The following EVC2 variants were observed in gnomAD, a reference collection of about 807,000 sequenced individuals.
The protein encoded by EVC2 is EvC ciliary complex subunit 2, also known as limbin.
In EVC2, 148 loss-of-function variants were observed where a neutral mutation model predicts 149.3. The observed-to-expected ratio is 0.99, with a 90% CI of 0.87 to 1.14. EVC2 has a LOEUF of 1.14. EVC2 is among the 50% of genes most tolerant of loss of function. EVC2 has a pLI of 0.00. For missense variants in EVC2, 1,854 were observed against 1,627.3 expected, an observed-to-expected ratio of 1.14 and a Z score of -2.40; for synonymous variants, 776 against 649.9, an observed-to-expected ratio of 1.19 and a Z score of -2.95.
Position 5,625,916 on chromosome 4 carries a change from G to C in EVC2, c.1887-8C>G. On this transcript the variant is annotated splice_region_variant and splice_polypyrimidine_tract_variant and intron_variant, in intron 12 of 21. Transcript: ENST00000344408. This position sits in a 1 kb window ranked among gnomAD's most constrained non-coding sequence, Gnocchi z 4.0. The stretch of plus-strand genomic sequence containing the variant: ...TCATCCAGGTACCCTGCTCTAGATG[G>C]AAAGGATGTAAAGTTAGGAATGTGG... 1 of 1,613,770 alleles carries C rather than the reference G, an allele frequency of 6.2e-7. No homozygotes were observed. The highest frequency in any genetic ancestry group is 8.5e-7 in the Non-Finnish European group (1 of 1,179,942).
At chr4:5,695,062 C>T (rs1394248350) in intron 2 of EVC2, among the ~76,000 whole-genome samples, 1 of 152,072 alleles carries the variant, frequency 6.6e-6, no homozygotes, top group Non-Finnish European at 1.5e-5. Flanking sequence ...TAGGAAATGA[C>T]TCCTGGGCCA....
At chr4:5,609,745 G>C (rs1577152721) in intron 16 of EVC2, among the ~76,000 whole-genome samples, 1 of 152,344 alleles carries the variant, frequency 6.6e-6, no homozygotes, top group Middle Eastern at 3.4e-3. Flanking sequence ...GCCATTGTTT[G>C]GTGAAAACAT....
At position 5,584,803 on chromosome 4, in the gene EVC2, C is replaced by G; in HGVS notation, c.2877G>C (p.Gln959His). Residue 959 changes from glutamine (Q) to histidine (H), a missense_variant, in exon 17 of 22, where the codon CAG becomes CAC. Transcript: ENST00000344408. ...LRERVQRMEA[Q>H]EGGFAQSLVA... Reference sequence around the variant, plus strand: ...CAAGCGACTGTGCAAAGCCTCCCTCCTGTGCCTCCATCCGCTGCACTCTCT... The same window carrying G: ...CAAGCGACTGTGCAAAGCCTCCCTCGTGTGCCTCCATCCGCTGCACTCTCT... 2 of 1,614,222 alleles carry G rather than the reference C, an allele frequency of 1.2e-6. No individual in the cohort carries two copies. Among genetic ancestry groups the G allele is most frequent in the Non-Finnish European group, 1.7e-6 (2 of 1,180,046 alleles).
rs1473983901 is a variant in EVC2, at chr4:5,640,728, T to A, written c.1256A>T (p.His419Leu). 1 of 1,614,134 alleles carries A rather than the reference T, an allele frequency of 6.2e-7. No individual in the cohort carries two copies. The highest frequency in any genetic ancestry group is 8.5e-7 in the Non-Finnish European group (1 of 1,180,012). Residue 419 changes from histidine (H) to leucine (L), a missense_variant, in exon 10 of 22, where the codon CAC (histidine) becomes CTC (leucine). By Grantham distance (99) the His-to-Leu change is moderately conservative. Transcript: ENST00000344408. The surrounding 1 kb of genome is among the most constrained non-coding windows in gnomAD (Gnocchi z 4.6). Reference sequence around the variant, plus strand: ...TTTTCTCTCTACTTGGGGTGAGAGGTGGCCACTGCTGGTGAGATTTTTCAG... The same window carrying A: ...TTTTCTCTCTACTTGGGGTGAGAGGAGGCCACTGCTGGTGAGATTTTTCAG... ...LLLKNLTSSG[H>L]LSPQVERKMS... is the part of the protein sequence containing the mutation.
intron 10 of EVC2, among the ~76,000 whole-genome samples, chr4:5,635,262 C>T (rs1250172542): frequency 6.6e-6 from 1 of 151,992 alleles, no homozygotes; most frequent in East Asian, 1.9e-4. Context: ...GTCTCAAACA[C>T]CTGACCTCAG....
downstream of EVC2, among the ~76,000 whole-genome samples, chr4:5,539,454 T>C (rs1001108804): frequency 2.6e-5 from 4 of 152,112 alleles, no homozygotes; most frequent in African/African-American, 9.7e-5. Context: ...TGCATGGAAA[T>C]GCAATGGACC....
intron 17 of EVC2, among the ~76,000 whole-genome samples, chr4:5,582,199 G>A (rs2108785238): frequency 6.6e-6 from 1 of 152,328 alleles, no homozygotes; most frequent in African/African-American, 2.4e-5. Context: ...TGGAATGATA[G>A]ATCCACTGAC....
In EVC2 at chr4:5,647,692, C is replaced by T. The variant is rs189065879; in HGVS notation, c.1146-6854G>A. 6.6e-5 allele frequency among the ~76,000 whole-genome samples: 10 copies of T among 152,314 alleles called. 1 individual carries two copies. Among genetic ancestry groups the T allele is most frequent in the Admixed American group, 6.5e-4 (10 of 15,306 alleles). ...AATGGATTTCACATCTTAAACGAAG[C>T]CTTATGTGGCAGGGAGGACAGTGCC... On this transcript the variant is annotated intron_variant, in intron 9 of 21. Transcript: ENST00000344408.
chr4:5,682,642 T>C (rs1577247563), intron 6 of EVC2, among the ~76,000 whole-genome samples: 1 of 151,732 alleles, frequency 6.6e-6, no homozygotes, highest in African/African-American at 2.4e-5. Flanking sequence ...GTGGATCACC[T>C]GAGGTCAGGA....
At position 5,636,004 on chromosome 4, in the gene EVC2, A is replaced by G. The variant is rs528718007; in HGVS notation, c.1471-3972T>C. Among the ~76,000 whole-genome samples, 1 of 152,336 alleles carries G rather than the reference A, an allele frequency of 6.6e-6. No individual in the cohort carries two copies. Among genetic ancestry groups the G allele is most frequent in the East Asian group, 1.9e-4 (1 of 5,176 alleles). Reference sequence around the variant, plus strand: ...CTTTAAAAATTACATTCAGTTATGAATCATAATAAACCCTTGTCCAAGGTT... The same window carrying G: ...CTTTAAAAATTACATTCAGTTATGAGTCATAATAAACCCTTGTCCAAGGTT... On this transcript the variant is annotated intron_variant, in intron 10 of 21. Transcript: ENST00000344408. The surrounding 1 kb of genome is among the most constrained non-coding windows in gnomAD (Gnocchi z 4.6).
chr4:5,640,439 T>G lies in EVC2; in HGVS notation c.1470+75A>C. On this transcript the variant is annotated intron_variant, in intron 10 of 21. Transcript: ENST00000344408. This position sits in a 1 kb window ranked among gnomAD's most constrained non-coding sequence, Gnocchi z 4.6. The stretch of plus-strand genomic sequence containing the variant: ...CGGATGGAGGAGGCAAATGGACAGA[T>G]GAGTGGGTAGATGGATAAATGACAA... The G allele has an allele frequency of 1.9e-6, 3 of 1,573,934 alleles. No homozygotes were observed. The East Asian group carries it at 6.7e-5, about 35-fold the overall frequency.
At chr4:5,565,222 C>G in intron 21 of EVC2, 36 bp downstream of exon 21, 2 of 1,604,650 alleles carry the variant, frequency 1.2e-6, no homozygotes, top group Non-Finnish European at 1.7e-6. Context: ...TTAGCTCACC[C>G]CCTCCCCAGC....
intron 1 of EVC2, among the ~76,000 whole-genome samples, chr4:5,703,993 C>G (rs774964661): frequency 2.6e-5 from 4 of 152,084 alleles, no homozygotes; most frequent in Non-Finnish European, 4.4e-5. Flanking sequence ...TGGGAACACA[C>G]CCAGGGTGTT....
chr4:5,544,132 C>G (rs954968409), intron 21 of EVC2, among the ~76,000 whole-genome samples: 1 of 152,086 alleles, frequency 6.6e-6, no homozygotes, highest in Admixed American at 6.5e-5. Context: ...CTGCGGTCAC[C>G]TGAGTTTAAA....
At chr4:5,620,654 G>A (rs769518761) in intron 14 of EVC2, among the ~76,000 whole-genome samples, 9 of 152,258 alleles carry the variant, frequency 5.9e-5, no homozygotes, top group South Asian at 2.1e-4. Context: ...CTCACATTGC[G>A]TACACTGTGA....
At chr4:5,709,460 T>TGGG, upstream of EVC2, 1 of 152,284 alleles carries the variant, frequency 6.6e-6, no homozygotes, top group African/African-American at 2.4e-5. Flanking sequence ...TGGCAGCCTC[T>TGGG]CTCCCCATAA....
chr4:5,708,649 TC>T, upstream of EVC2: 1 of 598,900 alleles, frequency 1.7e-6, no homozygotes. Flanking sequence ...AACACCCGCA[TC>T]TGGGGCTTGG....
intron 21 of EVC2, among the ~76,000 whole-genome samples, chr4:5,554,543 G>A (rs2108760978): frequency 6.6e-6 from 1 of 152,314 alleles, no homozygotes; most frequent in South Asian, 2.1e-4. Flanking sequence ...AGAAAAGCAA[G>A]CATTGTGTAA....
At position 5,562,472 on chromosome 4, in the gene EVC2, C is replaced by T; in HGVS notation, c.*376G>A. ...AAACACATTTATTTTTTAAAATTCC[C>T]TTTATAAAAATAGAATATGTAACAA... is the stretch of plus-strand genomic sequence containing the variant. On this transcript the variant is annotated 3_prime_UTR_variant, in exon 22 of 22. Coordinates refer to ENST00000344408, the MANE Select transcript of EVC2 (RefSeq NM_147127.5). This position sits in a 1 kb window ranked among gnomAD's most constrained non-coding sequence, Gnocchi z 4.3. The T allele has an allele frequency of 1.9e-6, 2 of 1,072,606 alleles. No homozygotes were observed. The highest frequency in any genetic ancestry group is 2.3e-6 in the Non-Finnish European group (2 of 881,784). 66.4% of individuals were successfully genotyped at this position (1,072,606 alleles called of 1,614,324 possible).
Sources: allele counts gnomAD v4.1 joint callset (sites outside exome capture counted in the v4.1 genomes callset), GRCh38; gene constraint gnomAD v4.1.1; non-coding constraint Gnocchi (gnomAD v3.1); transcripts MANE v1.5; gene names NCBI Gene and HGNC (gene_info 2026-07-23, HGNC 2026-07-21).